LEPR: variants seen among roughly 807,000 people sequenced by gnomAD.
LEPR encodes the protein OB receptor.
A neutral mutation model predicts 114.7 loss-of-function variants in LEPR; 56 were observed. The ratio of observed to expected loss-of-function variants is 0.49; its 90% CI spans 0.39 to 0.61. LEPR has a LOEUF of 0.61. LEPR is among the 20% of genes least tolerant of loss of function. LEPR has a pLI of 0.00. For synonymous variants in LEPR, 443 were observed against 461.4 expected, an observed-to-expected ratio of 0.96 and a Z score of 0.51; for missense variants, 1,202 against 1,352.9, an observed-to-expected ratio of 0.89 and a Z score of 1.75.
chr1:65,585,421 A>G (rs1655249024), intron 5 of LEPR, among the ~76,000 whole-genome samples: 2 of 152,022 alleles, frequency 1.3e-5, no homozygotes, highest in African/African-American at 4.8e-5. Context: ...AATTGGACCA[A>G]AAGTCAGAGG....
intron 7 of LEPR, 99 bp from the exon 8 acceptor site, chr1:65,598,561 A>G (rs758864257): frequency 1.9e-4 from 293 of 1,532,622 alleles, no homozygotes; most frequent in African/African-American, 4.1e-5. Flanking sequence ...TGTGTAAGAT[A>G]TTAATTCTTT....
At chr1:65,556,501 T>C (rs1652824257) in intron 2 of LEPR, among the ~76,000 whole-genome samples, 1 of 152,100 alleles carries the variant, frequency 6.6e-6, no homozygotes, top group Non-Finnish European at 1.5e-5. Flanking sequence ...CCCCTTGAAA[T>C]TATAGCCCTA....
intron 2 of LEPR, among the ~76,000 whole-genome samples, chr1:65,472,655 T>G (rs1364851247): frequency 6.9e-6 from 1 of 144,618 alleles, no homozygotes; most frequent in Non-Finnish European, 1.5e-5. Flanking sequence ...CACATATATT[T>G]CTTTTTTAAA....
intron 2 of LEPR, among the ~76,000 whole-genome samples, chr1:65,460,601 G>T (rs144144049): frequency 6.6e-6 from 1 of 152,142 alleles, no homozygotes; most frequent in Non-Finnish European, 1.5e-5. Flanking sequence ...ACCTTCAAGA[G>T]GGGCCATGCG....
chr1:65,601,919 C>A lies in LEPR; in HGVS notation c.1362C>A (p.Ile454=), dbSNP rs1244342702. 2 of 1,613,496 alleles carry A rather than the reference C, an allele frequency of 1.2e-6. No homozygotes were observed. Among genetic ancestry groups the A allele is most frequent in the African/African-American group, 2.7e-5 (2 of 74,862 alleles). The change falls in exon 10 of 20, where the codon ATC becomes ATA. Residue 454 remains isoleucine (I), a synonymous_variant. Coordinates refer to ENST00000349533, the MANE Select transcript of LEPR (RefSeq NM_002303.6). ...KMTCRWSTST[I]QSLAESTLQL... ...CTTGCAGATGGTCAACCAGTACAATCCAGTCACTTGCGGAAAGCACTTTGC... is the reference window on the plus strand; with the variant it reads ...CTTGCAGATGGTCAACCAGTACAATACAGTCACTTGCGGAAAGCACTTTGC...
At chr1:65,519,222 C>T (rs961757503) in intron 2 of LEPR, among the ~76,000 whole-genome samples, 2 of 150,740 alleles carry the variant, frequency 1.3e-5, no homozygotes, top group African/African-American at 4.9e-5. Context: ...TGATCTCAGC[C>T]TACTGCAACC....
intron 2 of LEPR, among the ~76,000 whole-genome samples, chr1:65,522,838 GTT>G (rs34483675): frequency 0.38 from 56,382 of 147,406 alleles, 13,035 homozygotes; most frequent in African/African-American, 0.64. Context: ...TCCTTTTAGG[GTT>G]TTTTTTTTTT....
chr1:65,586,562 A>G (rs1445235753), intron 5 of LEPR, among the ~76,000 whole-genome samples: 1 of 152,014 alleles, frequency 6.6e-6, no homozygotes, highest in Non-Finnish European at 1.5e-5. Flanking sequence ...AAATTGAATT[A>G]ATGTTACTAC....
At chr1:65,587,977 G>A (rs1458554593) in intron 5 of LEPR, among the ~76,000 whole-genome samples, 1 of 151,976 alleles carries the variant, frequency 6.6e-6, no homozygotes, top group Non-Finnish European at 1.5e-5. Context: ...AGGACTGCAA[G>A]ATTTCTGAAG....
intron 14 of LEPR, among the ~76,000 whole-genome samples, chr1:65,611,081 C>G (rs1657136271): frequency 1.3e-5 from 2 of 152,156 alleles, no homozygotes; most frequent in Non-Finnish European, 2.9e-5. Flanking sequence ...AATGCAATTT[C>G]TAAAGTCTTC....
At chr1:65,608,635 A>G in intron 11 of LEPR, 118 bp from the exon 12 acceptor site, 1 of 1,151,228 alleles carries the variant, frequency 8.7e-7, no homozygotes, top group Non-Finnish European at 1.2e-6. Flanking sequence ...AATGAGTGAG[A>G]AAGTTATGAA....
chr1:65,601,936 G>A lies in LEPR; in HGVS notation c.1379G>A (p.Ser460Asn). 6.2e-7 allele frequency: 1 copy of A among 1,613,612 alleles called. No individual in the cohort carries two copies. The highest frequency in any genetic ancestry group is 1.7e-5 in the Admixed American group (1 of 60,006). The change falls in exon 10 of 20, where the codon AGC (serine) becomes AAC (asparagine). Residue 460 changes from serine to asparagine, a missense_variant. Physicochemically the swap from Ser to Asn is conservative, Grantham distance 46. Coordinates refer to ENST00000349533, the MANE Select transcript of LEPR (RefSeq NM_002303.6). ...AGTACAATCCAGTCACTTGCGGAAA[G>A]CACTTTGCAATTGAGGTATCATAGG... Reference protein sequence around the residue: ...STSTIQSLAESTLQLRYHRSS... With the variant: ...STSTIQSLAENTLQLRYHRSS...
chr1:65,529,490 C>T (rs1443310712), intron 2 of LEPR, among the ~76,000 whole-genome samples: 1 of 132,500 alleles, frequency 7.5e-6, no homozygotes, highest in Non-Finnish European at 1.6e-5. Context: ...CACTGCACTC[C>T]AGCCTGGGAG....
intron 2 of LEPR, among the ~76,000 whole-genome samples, chr1:65,448,307 T>C (rs1646738186): frequency 6.6e-6 from 1 of 152,238 alleles, no homozygotes; most frequent in Non-Finnish European, 1.5e-5. Context: ...AGCCTGTTGA[T>C]GTAGTGAATT....
chr1:65,501,190 T>A (rs1648432409), intron 2 of LEPR, among the ~76,000 whole-genome samples: 1 of 151,982 alleles, frequency 6.6e-6, no homozygotes. Context: ...TAAAACATAC[T>A]ACAAACTGGG....
chr1:65,432,724 A>AT lies in LEPR; in HGVS notation c.-21+7355dup, dbSNP rs771686222. On this transcript the variant is annotated intron_variant, in intron 2 of 19. Transcript: ENST00000349533. ...GCCTCAGTTAGGAGGAATAAGTGTG[A>AT]TTTTTTTTTAAAGATCACTTGCACA... is the stretch of plus-strand genomic sequence containing the variant. 9.1e-4 allele frequency: 713 copies of AT among 779,578 alleles called. 1 individual carries two copies. Among genetic ancestry groups the AT allele is most frequent in the Non-Finnish European group, 9.9e-4 (635 of 642,714 alleles). 48.3% of individuals were successfully genotyped at this position (779,578 alleles called of 1,614,324 possible).
chr1:65,502,619 C>A (rs1648511636), intron 2 of LEPR, among the ~76,000 whole-genome samples: 1 of 152,044 alleles, frequency 6.6e-6, no homozygotes, highest in South Asian at 2.1e-4. Flanking sequence ...AGACTAAGTG[C>A]TACAGAGAAA....
intron 5 of LEPR, among the ~76,000 whole-genome samples, chr1:65,590,838 G>T (rs1655645923): frequency 6.7e-6 from 1 of 149,312 alleles, no homozygotes; most frequent in African/African-American, 2.4e-5. Flanking sequence ...ATTCTGATTT[G>T]ATATTTATGA....
chr1:65,464,468 A>T (rs1646984808), intron 2 of LEPR, among the ~76,000 whole-genome samples: 1 of 152,044 alleles, frequency 6.6e-6, no homozygotes, highest in Admixed American at 6.6e-5. Flanking sequence ...TTCATGAGGG[A>T]TATTGGCCTA....
Sources: allele counts gnomAD v4.1 joint callset (sites outside exome capture counted in the v4.1 genomes callset), GRCh38; gene constraint gnomAD v4.1.1; transcripts MANE v1.5; gene names NCBI Gene and HGNC (gene_info 2026-07-23, HGNC 2026-07-21).